The following ITGB5 variants were observed in gnomAD, a reference collection of about 807,000 sequenced individuals.
The protein encoded by ITGB5 is integrin beta-5.
Under a neutral mutation model 84.8 loss-of-function variants are expected in ITGB5, and 38 were observed. The ratio of observed to expected loss-of-function variants is 0.45; its 90% confidence interval spans 0.35 to 0.59. ITGB5 has a LOEUF of 0.59. ITGB5 is among the 20% of genes least tolerant of loss of function. ITGB5 has a pLI of 0.01. For synonymous variants in ITGB5, 393 were observed against 414.4 expected (o/e 0.95, Z 0.63); for missense variants, 905 against 1,034.5 (o/e 0.87, Z 1.72).
intron 11 of ITGB5, chr3:124,769,379 A>G (rs949913945): frequency 2.4e-6 from 1 of 412,174 alleles, no homozygotes. Flanking sequence ...ACCAGGAGAC[A>G]AATCCATCTG....
At chr3:124,806,660 A>G (rs2064410326) in intron 9 of ITGB5, among the ~76,000 whole-genome samples, 1 of 151,552 alleles carries the variant, frequency 6.6e-6, no homozygotes, top group Non-Finnish European at 1.5e-5. Context: ...GATGGTCTCG[A>G]TCTCCTAACT....
intron 8 of ITGB5, among the ~76,000 whole-genome samples, chr3:124,811,277 C>T (rs781750250): frequency 5.9e-5 from 9 of 152,062 alleles, no homozygotes; most frequent in Non-Finnish European, 1.3e-4. Context: ...TACAATCTGT[C>T]GTTGAATGAA....
intron 1 of ITGB5, among the ~76,000 whole-genome samples, chr3:124,885,419 CA>C (rs1190962257): frequency 1.3e-5 from 2 of 151,862 alleles, no homozygotes; most frequent in Non-Finnish European, 2.9e-5. Flanking sequence ...GATTTAAAAA[CA>C]AAACAAAAGA....
chr3:124,889,578 T>C (rs1451877138), upstream of ITGB5, among the ~76,000 whole-genome samples: 1 of 152,196 alleles, frequency 6.6e-6, no homozygotes, highest in African/African-American at 2.4e-5. Context: ...TAACATATTC[T>C]ATAATATCCT....
chr3:124,900,024 G>A (rs941889500), intron 1 of ITGB5, among the ~76,000 whole-genome samples: 20 of 152,242 alleles, frequency 1.3e-4, no homozygotes, highest in South Asian at 1.0e-3. Flanking sequence ...TAACCTGAGA[G>A]CTCCAGGACG....
At chr3:124,775,354 ATGTG>A (rs1054678956) in intron 10 of ITGB5, among the ~76,000 whole-genome samples, 40 of 150,286 alleles carry the variant, frequency 2.7e-4, no homozygotes, top group African/African-American at 8.3e-4. Context: ...GTGAGGGAGG[ATGTG>A]TGTGAGTGCG....
At chr3:124,876,328 G>T (rs1934310901) in intron 1 of ITGB5, among the ~76,000 whole-genome samples, 1 of 151,708 alleles carries the variant, frequency 6.6e-6, no homozygotes, top group Non-Finnish European at 1.5e-5. Context: ...AATTTAAAAA[G>T]TAAAAGAGAA....
intron 1 of ITGB5, among the ~76,000 whole-genome samples, chr3:124,893,629 G>A (rs1935043648): frequency 6.6e-6 from 1 of 152,156 alleles, no homozygotes; most frequent in African/African-American, 2.4e-5. Context: ...GAACATGGGA[G>A]ACAAGCAGGT....
chr3:124,897,279 G>T (rs1029291690), intron 1 of ITGB5, among the ~76,000 whole-genome samples: 1 of 152,052 alleles, frequency 6.6e-6, no homozygotes, highest in Non-Finnish European at 1.5e-5. Flanking sequence ...TGGAGGGAGA[G>T]GTGGGATCTC....
intron 8 of ITGB5, among the ~76,000 whole-genome samples, chr3:124,816,196 G>A (rs1451245778): frequency 1.3e-5 from 2 of 152,200 alleles, no homozygotes; most frequent in African/African-American, 4.8e-5. Flanking sequence ...TGAGGCTCCA[G>A]GGAACTAAGC....
intron 5 of ITGB5, among the ~76,000 whole-genome samples, chr3:124,837,756 G>T (rs1194446558): frequency 6.6e-6 from 1 of 152,212 alleles, no homozygotes; most frequent in African/African-American, 2.4e-5. Flanking sequence ...AAACAAGAAT[G>T]AGAATAAAAC....
intron 1 of ITGB5, among the ~76,000 whole-genome samples, chr3:124,885,103 T>A (rs1934741203): frequency 1.3e-5 from 2 of 152,112 alleles, no homozygotes; most frequent in African/African-American, 4.8e-5. Flanking sequence ...AAACCCCATC[T>A]CTACTAAAAA....
intron 2 of ITGB5, among the ~76,000 whole-genome samples, chr3:124,866,627 G>C (rs1465838973): frequency 6.6e-6 from 1 of 152,212 alleles, no homozygotes; most frequent in Non-Finnish European, 1.5e-5. Flanking sequence ...CTGGGAAAAA[G>C]GCAGAGAGCC....
chr3:124,878,722 C>T (rs531278637), intron 1 of ITGB5: 1 of 152,216 alleles, frequency 6.6e-6, no homozygotes, highest in African/African-American at 2.4e-5. Context: ...CTCCCTTTGG[C>T]ATCTCTCCTC....
At chr3:124,796,887 G>A in intron 9 of ITGB5, 70 bp from the exon 10 acceptor site, 1 of 1,466,630 alleles carries the variant, frequency 6.8e-7, no homozygotes, top group Non-Finnish European at 9.2e-7. Flanking sequence ...CCAGGGGCAG[G>A]GCCCTTGATG....
intron 8 of ITGB5, among the ~76,000 whole-genome samples, chr3:124,810,019 T>G (rs1481442358): frequency 6.6e-6 from 1 of 152,174 alleles, no homozygotes; most frequent in Admixed American, 6.5e-5. Context: ...CAGAAGTGTA[T>G]GCGTCACCAA....
chr3:124,850,245 C>T (rs2065132745), intron 3 of ITGB5, among the ~76,000 whole-genome samples: 1 of 151,846 alleles, frequency 6.6e-6, no homozygotes, highest in African/African-American at 2.4e-5. Flanking sequence ...AGTTCAAGTT[C>T]CAGCTCTGTC....
At chr3:124,848,969 G>C (rs370600718) in intron 3 of ITGB5, among the ~76,000 whole-genome samples, 2 of 151,826 alleles carry the variant, frequency 1.3e-5, no homozygotes, top group Non-Finnish European at 2.9e-5. Context: ...TAGTAGAGAC[G>C]GGGTTTCACT....
chr3:124,863,987 GAAAA>G (rs201225996), intron 2 of ITGB5, among the ~76,000 whole-genome samples: 19 of 46,224 alleles, frequency 4.1e-4, no homozygotes, highest in Admixed American at 1.2e-3. Context: ...GAAAAAAAAA[GAAAA>G]AAAAGAAAGA....
Sources: gnomAD v4.1 joint callset for allele counts (sites outside exome capture counted in the v4.1 genomes callset) on GRCh38, gnomAD v4.1.1 for gene constraint, MANE v1.5 for transcripts, NCBI Gene and HGNC (gene_info 2026-07-23, HGNC 2026-07-21) for gene names.